The following BRD8 variants were observed in gnomAD, a reference collection of about 807,000 sequenced individuals.
BRD8 encodes the protein bromodomain-containing protein 8.
Under a neutral mutation model 143.1 loss-of-function variants are expected in BRD8, and 67 were observed. The ratio of observed to expected loss-of-function variants is 0.47; its 90% CI spans 0.38 to 0.57. The LOEUF is 0.57. Among genes scored for constraint, BRD8 ranks in the 20% least tolerant of loss-of-function variants. The pLI is 0.00. For synonymous variants in BRD8, 505 were observed against 517.1 expected (o/e 0.98, Z 0.32); for missense variants, 1,103 against 1,503.0 (o/e 0.73, Z 4.40).
In BRD8 at chr5:138,161,816, G is replaced by A. The variant is rs1266336611; in HGVS notation, c.2229C>T (p.Gly743=). The A allele has an allele frequency of 6.2e-7, 1 of 1,614,012 alleles. No individual in the cohort carries two copies. Among genetic ancestry groups the A allele is most frequent in the African/African-American group, 1.3e-5 (1 of 74,922 alleles). Residue 743 remains glycine (G), a synonymous_variant, in exon 17 of 27, where the codon GGC becomes GGT. Transcript: ENST00000254900. ...CTCACCTCTGCACAATGCTGTGGTA[G>A]CCAGGTGCTATGTCATCTGTAACAG... ...LQPVTDDIAP[G]YHSIVQRPMD... is the part of the protein sequence containing the mutation.
In BRD8 at chr5:138,169,374, G is replaced by C; in HGVS notation, c.506-16C>G. ...GCTTGACGAGCTAGAACATAAAAGA[G>C]AACAATGTCCAAATCTTCAAGATTA... On this transcript the variant is annotated splice_polypyrimidine_tract_variant and intron_variant, in intron 7 of 26. Coordinates refer to ENST00000254900, the MANE Select transcript of BRD8 (RefSeq NM_139199.2). 1 of 1,610,706 alleles carries C rather than the reference G, an allele frequency of 6.2e-7. No individual in the cohort carries two copies. Among genetic ancestry groups the C allele is most frequent in the Non-Finnish European group, 8.5e-7 (1 of 1,178,710 alleles).
intron 8 of BRD8, 114 bp downstream of exon 8, chr5:138,169,108 A>G: frequency 1.8e-6 from 2 of 1,135,368 alleles, no homozygotes; most frequent in South Asian, 3.3e-5. Context: ...AGTCTTTAGC[A>G]TTCAGATCAA....
chr5:138,172,621 C>T, intron 2 of BRD8: 1 of 327,452 alleles, frequency 3.1e-6, no homozygotes, highest in Non-Finnish European at 5.5e-6. Context: ...GGGAGGACAG[C>T]TCAAGCCCAG....
intron 6 of BRD8, 136 bp downstream of exon 6, chr5:138,170,696 C>A (rs1395194835): frequency 1.2e-6 from 1 of 848,842 alleles, no homozygotes. Flanking sequence ...AGCCACCAAA[C>A]CACTTTGCAG....
Position 138,171,043 on chromosome 5 carries a change from T to A in BRD8, c.354A>T (p.Arg118Ser). The change falls in exon 5 of 27, where the codon AGA (arginine) becomes AGT (serine). Residue 118 changes from arginine to serine, a missense_variant. Coordinates refer to ENST00000254900, the MANE Select transcript of BRD8 (RefSeq NM_139199.2). Reference protein sequence around the residue: ...LKKVIKETQERYRRLKRDAEL... With the variant: ...LKKVIKETQESYRRLKRDAEL... ...GCATTCTCTCTGATAAGTACCTATATCTCTCCTGGGTTTCCTTTATCACTT... is the reference window on the plus strand; with the variant it reads ...GCATTCTCTCTGATAAGTACCTATAACTCTCCTGGGTTTCCTTTATCACTT... 1.9e-6 allele frequency: 3 copies of A among 1,613,830 alleles called. No homozygotes were observed. Among genetic ancestry groups the A allele is most frequent in the Non-Finnish European group, 2.5e-6 (3 of 1,179,966 alleles).
intron 25 of BRD8, among the ~76,000 whole-genome samples, chr5:138,141,287 G>A (rs565444540): frequency 6.6e-6 from 1 of 152,242 alleles, no homozygotes; most frequent in South Asian, 2.1e-4. Context: ...GCGCCATCAT[G>A]CCCAGCTAAT....
intron 9 of BRD8, among the ~76,000 whole-genome samples, chr5:138,167,309 C>T (rs1411384781): frequency 6.6e-6 from 1 of 151,810 alleles, no homozygotes. Flanking sequence ...GGTAATTTTT[C>T]CTCAGAGGAA....
intron 19 of BRD8, 95 bp from the exon 20 acceptor site, chr5:138,159,694 A>C: frequency 8.3e-7 from 1 of 1,204,864 alleles, no homozygotes; most frequent in Non-Finnish European, 1.2e-6. Context: ...CACCACACAC[A>C]CAAGGACAAA....
chr5:138,158,365 A>G (rs1157158730), intron 20 of BRD8, among the ~76,000 whole-genome samples: 1 of 152,190 alleles, frequency 6.6e-6, no homozygotes, highest in African/African-American at 2.4e-5. Flanking sequence ...GAAAGTAATA[A>G]AAGTCTTTAG....
chr5:138,142,153 A>G (rs1751934523), intron 25 of BRD8, among the ~76,000 whole-genome samples: 1 of 152,176 alleles, frequency 6.6e-6, no homozygotes. Context: ...GTGCCCTCTT[A>G]TCCTTCTGTC....
chr5:138,144,339 G>C (rs945727478), intron 25 of BRD8, among the ~76,000 whole-genome samples: 1 of 151,984 alleles, frequency 6.6e-6, no homozygotes, highest in Non-Finnish European at 1.5e-5. Context: ...CTGAACATCC[G>C]AAGGAACAAA....
At chr5:138,155,038 C>T (rs2151188726) in intron 20 of BRD8, among the ~76,000 whole-genome samples, 1 of 152,068 alleles carries the variant, frequency 6.6e-6, no homozygotes, top group East Asian at 2.0e-4. Flanking sequence ...ACCATGTTGG[C>T]CAGGATGGTC....
chr5:138,177,425 A>T (rs561988169), intron 2 of BRD8, 146 bp downstream of exon 2: 2 of 537,086 alleles, frequency 3.7e-6, no homozygotes, highest in African/African-American at 3.8e-5. Flanking sequence ...CCTGGGCAAC[A>T]GAAGGAGACT....
chr5:138,159,742 A>T (rs752561643), intron 19 of BRD8, 143 bp from the exon 20 acceptor site: 22 of 785,198 alleles, frequency 2.8e-5, no homozygotes, highest in Non-Finnish European at 4.0e-5. Context: ...GAGATCCAAA[A>T]GCAATCTGTC....
intron 19 of BRD8, among the ~76,000 whole-genome samples, chr5:138,159,860 T>G (rs7714515): frequency 1.3e-5 from 2 of 152,214 alleles, no homozygotes; most frequent in Non-Finnish European, 2.9e-5. Flanking sequence ...CCCCTACTCA[T>G]GATTTCTCCC....
intron 20 of BRD8, chr5:138,157,070 A>AG (rs1752651150): frequency 1.3e-6 from 2 of 1,530,622 alleles, no homozygotes; most frequent in Non-Finnish European, 8.7e-7. Flanking sequence ...TCTCTAAGAG[A>AG]GATTTTCCAG....
In BRD8 at chr5:138,149,690, CTTAATG is replaced by C; in HGVS notation, c.3222_3227del (p.Asn1074_Ile1075del). 1 of 1,613,534 alleles carries C rather than the reference CTTAATG, an allele frequency of 6.2e-7. No individual in the cohort carries two copies. Among genetic ancestry groups the C allele is most frequent in the South Asian group, 1.1e-5 (1 of 91,004 alleles). Reference sequence around the variant, plus strand: ...AAAGTGTATCCACCAAGGGAGTCTCCTTAATGTTAAAGGCATCATCACACTCGCCTG... The same window carrying C: ...AAAGTGTATCCACCAAGGGAGTCTCCTTAAAGGCATCATCACACTCGCCTG... On this transcript the variant is annotated inframe_deletion, in exon 23 of 27. Coordinates refer to ENST00000254900, the MANE Select transcript of BRD8 (RefSeq NM_139199.2).
chr5:138,174,558 T>C (rs1008043095), intron 2 of BRD8, among the ~76,000 whole-genome samples: 4 of 149,952 alleles, frequency 2.7e-5, no homozygotes, highest in Middle Eastern at 3.5e-3. Context: ...ATTGCACCAC[T>C]GCACTCCAGC....
chr5:138,166,865 C>A (rs1428692980), intron 9 of BRD8, 138 bp from the exon 10 acceptor site: 2 of 641,734 alleles, frequency 3.1e-6, no homozygotes, highest in Non-Finnish European at 5.6e-6. Context: ...ATAAGTTCAT[C>A]ATCTATATCC....
Sources: allele counts gnomAD v4.1 joint callset (sites outside exome capture counted in the v4.1 genomes callset), GRCh38; gene constraint gnomAD v4.1.1; transcripts MANE v1.5; gene names NCBI Gene and HGNC (gene_info 2026-07-23, HGNC 2026-07-21).